The following CCNJ variants were observed in gnomAD, a reference collection of about 807,000 sequenced individuals.
The protein encoded by CCNJ is cyclin-J.
CCNJ carries 12 observed loss-of-function variants against 41.4 expected under a neutral mutation model. That is an observed-to-expected ratio of 0.29 (90% CI 0.19 to 0.47). CCNJ has a LOEUF of 0.47. Among genes scored for constraint, CCNJ ranks in the 20% least tolerant of loss-of-function variants. The pLI is 1.00. For synonymous variants in CCNJ, 161 were observed against 173.4 expected, an observed-to-expected ratio of 0.93 and a Z score of 0.56; for missense variants, 340 against 464.6, an observed-to-expected ratio of 0.73 and a Z score of 2.47.
At chr10:96,055,205 C>T (rs1281678593) in intron 3 of CCNJ, among the ~76,000 whole-genome samples, 2 of 152,216 alleles carry the variant, frequency 1.3e-5, no homozygotes, top group African/African-American at 4.8e-5. Flanking sequence ...TTGGGATCAA[C>T]TTCTACCTGC....
At chr10:96,044,868 C>T (rs1035656187) in intron 2 of CCNJ, among the ~76,000 whole-genome samples, 1 of 152,194 alleles carries the variant, frequency 6.6e-6, no homozygotes, top group African/African-American at 2.4e-5. Flanking sequence ...CGCTAACTTG[C>T]CGTGAGACGT....
chr10:96,044,478 G>A lies in CCNJ; in HGVS notation c.69+16G>A. The A allele has an allele frequency of 6.6e-7, 1 of 1,508,952 alleles. No individual in the cohort carries two copies. The highest frequency in any genetic ancestry group is 8.9e-7 in the Non-Finnish European group (1 of 1,119,000). The allele number at this position is 1,508,952 out of a possible 1,614,324, so 93.5% of individuals were successfully genotyped here. A position where few individuals can be genotyped will look rare whatever the true frequency, so the allele number is the denominator to read the frequency against. ...TCGCTACAAGGTAACTCCGAGGCCC[G>A]GCCTGCCTTCTCCTTCTGTGTGTCG... On this transcript the variant is annotated intron_variant, in intron 2 of 5. Transcript: ENST00000465148.
intron 2 of CCNJ, 129 bp downstream of exon 2, chr10:96,044,591 C>A: frequency 1.5e-6 from 1 of 655,604 alleles, no homozygotes; most frequent in South Asian, 5.7e-5. Flanking sequence ...CGAGTTTGCT[C>A]ATTTGCTCAA....
intron 2 of CCNJ, among the ~76,000 whole-genome samples, chr10:96,046,003 A>G (rs2080352351): frequency 6.6e-6 from 1 of 152,140 alleles, no homozygotes; most frequent in Non-Finnish European, 1.5e-5. Context: ...CTTTTCAATC[A>G]TTTTATGTGT....
Position 96,051,608 on chromosome 10 carries a change from G to T in CCNJ, c.280+1142G>T, listed in dbSNP as rs139587644. On this transcript the variant is annotated intron_variant, in intron 3 of 5. Coordinates refer to ENST00000465148, the MANE Select transcript of CCNJ (RefSeq NM_001134375.2). ...CCTCTAACTCTCCCTTGAGGTTTTG[G>T]GGTCAAATATGGCTGGGATGAAATA... 5.3e-5 allele frequency among the ~76,000 whole-genome samples: 8 copies of T among 152,160 alleles called. No homozygotes were observed. In the East Asian group the frequency reaches 1.5e-3, roughly 29 times the overall value.
At chr10:96,045,095 C>T (rs1443637700) in intron 2 of CCNJ, among the ~76,000 whole-genome samples, 1 of 152,172 alleles carries the variant, frequency 6.6e-6, no homozygotes, top group Non-Finnish European at 1.5e-5. Flanking sequence ...GAGTTGGCTG[C>T]CCCTTCCTGC....
chr10:96,045,230 A>T (rs2080330548), intron 2 of CCNJ, among the ~76,000 whole-genome samples: 1 of 152,258 alleles, frequency 6.6e-6, no homozygotes, highest in South Asian at 2.1e-4. Flanking sequence ...AAGGCAGATT[A>T]ATGAGACATT....
intron 1 of CCNJ, among the ~76,000 whole-genome samples, chr10:96,043,963 C>T (rs1322818086): frequency 1.2e-4 from 18 of 152,340 alleles, no homozygotes; most frequent in African/African-American, 4.8e-5. Context: ...TTCCCCTCAG[C>T]GGGGCTATGA....
intron 2 of CCNJ, 117 bp downstream of exon 2, chr10:96,044,579 G>A: frequency 2.6e-6 from 2 of 777,246 alleles, no homozygotes; most frequent in Non-Finnish European, 3.7e-6. Flanking sequence ...GGCCAGAAAA[G>A]GCGAGTTTGC....
chr10:96,058,104 C>T lies in CCNJ; in HGVS notation c.1015C>T (p.Leu339Phe). Residue 339 changes from leucine (L) to phenylalanine (F), a missense_variant, in exon 6 of 6, where the codon CTT becomes TTT. Coordinates refer to ENST00000465148, the MANE Select transcript of CCNJ (RefSeq NM_001134375.2). Reference protein sequence around the residue: ...PAGFQTSVQGLGHMQTGVGMS... With the variant: ...PAGFQTSVQGFGHMQTGVGMS... ...TGGCTTCCAAACTAGTGTTCAGGGC[C>T]TTGGGCACATGCAGACTGGTGTTGG... is the stretch of plus-strand genomic sequence containing the variant. 6.2e-7 allele frequency: 1 copy of T among 1,614,220 alleles called. No individual in the cohort carries two copies. The highest frequency in any genetic ancestry group is 1.1e-5 in the South Asian group (1 of 91,088).
chr10:96,043,330 G>C (rs2080264005), upstream of CCNJ: 1 of 321,986 alleles, frequency 3.1e-6, no homozygotes, highest in Non-Finnish European at 5.6e-6. Flanking sequence ...GGCCGGCTTC[G>C]CAGTAGGTGG....
At chr10:96,049,059 C>G (rs1275135059) in intron 2 of CCNJ, among the ~76,000 whole-genome samples, 1 of 152,190 alleles carries the variant, frequency 6.6e-6, no homozygotes, top group African/African-American at 2.4e-5. Context: ...ATTCCAGTTT[C>G]TCCACATTCA....
In CCNJ at chr10:96,058,002, A is replaced by G; in HGVS notation, c.913A>G (p.Thr305Ala). ...GACCTCACTGCAGTATCGCCATCCT[A>G]CGTCAGAACAACCAAGCTGTCAGCA... ...HQTSLQYRHP[T>A]SEQPSCQQIV... The change falls in exon 6 of 6, where the codon ACG (threonine) becomes GCG (alanine). Residue 305 changes from threonine (T) to alanine (A), a missense_variant. By Grantham distance (58) the Thr-to-Ala change is moderately conservative (BLOSUM62 0). Around this residue, in one of 3 missense-constraint regions of CCNJ, gnomAD observed 159 missense variants for 168.2 expected, o/e 0.95. Transcript: ENST00000465148. 2.5e-6 allele frequency: 4 copies of G among 1,614,118 alleles called. No homozygotes were observed. Among genetic ancestry groups the G allele is most frequent in the East Asian group, 2.2e-5 (1 of 44,880 alleles).
intron 3 of CCNJ, among the ~76,000 whole-genome samples, chr10:96,056,042 G>T (rs1245841585): frequency 1.3e-5 from 2 of 152,234 alleles, no homozygotes; most frequent in Non-Finnish European, 2.9e-5. Flanking sequence ...GGGCGCAGTG[G>T]CTCACGCCTG....
chr10:96,053,115 A>T (rs548792241), intron 3 of CCNJ, among the ~76,000 whole-genome samples: 6 of 151,958 alleles, frequency 3.9e-5, no homozygotes, highest in African/African-American at 1.4e-4. Context: ...TTGGCCAAAG[A>T]TGGAGCATAC....
rs1370680986 is a variant in CCNJ at position 96,060,348 on chromosome 10, G to GA, written c.*2109dup. ...TTTATATGCCATTCTTGTTATAGAA[G>GA]AATATGCCTTTTAAAAAAGCTTATT... is the stretch of plus-strand genomic sequence containing the variant. On this transcript the variant is annotated 3_prime_UTR_variant, in exon 6 of 6. Coordinates refer to ENST00000465148, the MANE Select transcript of CCNJ (RefSeq NM_001134375.2). 4.6e-5 allele frequency: 7 copies of GA among 152,524 alleles called. No homozygotes were observed. Among genetic ancestry groups the GA allele is most frequent in the Admixed American group, 4.6e-4 (7 of 15,266 alleles). 9.4% of individuals were successfully genotyped at this position (152,524 alleles called of 1,614,324 possible).
intron 2 of CCNJ, among the ~76,000 whole-genome samples, chr10:96,046,233 GA>G (rs998643291): frequency 9.9e-5 from 15 of 152,216 alleles, no homozygotes; most frequent in African/African-American, 3.6e-4. Context: ...GAATGCCACT[GA>G]AAGTTTTATT....
chr10:96,044,323 C>A, intron 1 of CCNJ, 30 bp from the exon 2 acceptor site: 2 of 1,262,194 alleles, frequency 1.6e-6, no homozygotes, highest in Non-Finnish European at 2.1e-6. Flanking sequence ...GGGGAGCCGG[C>A]AGTGACCGCG....
chr10:96,050,870 A>G (rs2080501854), intron 3 of CCNJ, among the ~76,000 whole-genome samples: 1 of 152,178 alleles, frequency 6.6e-6, no homozygotes, highest in Admixed American at 6.5e-5. Flanking sequence ...ACGTGTACAG[A>G]CGTTTTGGTT....
Sources: gnomAD v4.1 joint callset for allele counts (sites outside exome capture counted in the v4.1 genomes callset) on GRCh38, gnomAD v4.1.1 for gene constraint, gnomAD v4.1.1 regional missense constraint, MANE v1.5 for transcripts, NCBI Gene and HGNC (gene_info 2026-07-23, HGNC 2026-07-21) for gene names.